The following CSNK2A2IP variants were observed in gnomAD, a reference collection of about 807,000 sequenced individuals.
CSNK2A2IP encodes the protein casein kinase 2 subunit alpha' interacting protein.
At chr3:88,431,573 C>T in the CSNK2A2IP span, among the ~76,000 whole-genome samples, 242 of 152,014 alleles carry the variant, frequency 1.6e-3, no homozygotes, top group Middle Eastern at 0.01. Flanking sequence ...ACTCATGTAA[C>T]CAAACTTCAC....
the CSNK2A2IP span, among the ~76,000 whole-genome samples, chr3:88,388,528 T>C: frequency 6.6e-6 from 1 of 152,184 alleles, no homozygotes; most frequent in Non-Finnish European, 1.5e-5. Flanking sequence ...GAAGTGCAAA[T>C]GTACAGAATC....
the CSNK2A2IP span, among the ~76,000 whole-genome samples, chr3:88,374,854 A>G: frequency 6.6e-6 from 1 of 151,728 alleles, no homozygotes; most frequent in South Asian, 2.1e-4. Context: ...TTATTCAAAT[A>G]TATTCCAACT....
chr3:88,446,015 T>A, the CSNK2A2IP span, among the ~76,000 whole-genome samples: 1 of 119,320 alleles, frequency 8.4e-6, no homozygotes, highest in Non-Finnish European at 2.0e-5. Context: ...TTTCTTTCTT[T>A]TCTTTCTTTG....
the CSNK2A2IP span, among the ~76,000 whole-genome samples, chr3:88,351,203 A>T: frequency 3.9e-5 from 6 of 152,112 alleles, no homozygotes; most frequent in South Asian, 1.2e-3. Context: ...TAAATACATA[A>T]TTTTTCTTAT....
chr3:88,350,225 T>C, the CSNK2A2IP span, among the ~76,000 whole-genome samples: 1 of 152,134 alleles, frequency 6.6e-6, no homozygotes, highest in African/African-American at 2.4e-5. Context: ...TCATTTCCTT[T>C]CTTGAAAGGC....
chr3:88,440,429 G>A, the CSNK2A2IP span, among the ~76,000 whole-genome samples: 1 of 152,084 alleles, frequency 6.6e-6, no homozygotes, highest in African/African-American at 2.4e-5. Context: ...AGTTGTGTGG[G>A]AAAGGCTTTG....
the CSNK2A2IP span, among the ~76,000 whole-genome samples, chr3:88,462,017 C>T: frequency 1.3e-5 from 2 of 151,346 alleles, no homozygotes; most frequent in Admixed American, 6.6e-5. Flanking sequence ...TTTGGATATC[C>T]TTGTTTGTGA....
At chr3:88,407,466 T>C in the CSNK2A2IP span, among the ~76,000 whole-genome samples, 1 of 152,070 alleles carries the variant, frequency 6.6e-6, no homozygotes, top group African/African-American at 2.4e-5. Context: ...CATCAAAATG[T>C]CAGCTTCTTG....
the CSNK2A2IP span, among the ~76,000 whole-genome samples, chr3:88,346,319 A>G: frequency 6.6e-6 from 1 of 152,148 alleles, no homozygotes; most frequent in African/African-American, 2.4e-5. Context: ...TCACTGATGA[A>G]TGTGGCTACA....
At chr3:88,370,843 G>A in the CSNK2A2IP span, among the ~76,000 whole-genome samples, 3 of 151,596 alleles carry the variant, frequency 2.0e-5, no homozygotes, top group Admixed American at 6.6e-5. Context: ...TGCAAAAGTG[G>A]AGCCTTGATT....
chr3:88,451,609 T>G, the CSNK2A2IP span, among the ~76,000 whole-genome samples: 2 of 151,958 alleles, frequency 1.3e-5, no homozygotes, highest in African/African-American at 4.8e-5. Context: ...TTTTTCACCT[T>G]TGTTTCTTTT....
At chr3:88,398,059 A>G in the CSNK2A2IP span, among the ~76,000 whole-genome samples, 1 of 152,136 alleles carries the variant, frequency 6.6e-6, no homozygotes, top group Non-Finnish European at 1.5e-5. Flanking sequence ...AAAAAATATG[A>G]TTTCCTATAA....
chr3:88,415,862 A>G, the CSNK2A2IP span, among the ~76,000 whole-genome samples: 1 of 152,052 alleles, frequency 6.6e-6, no homozygotes, highest in Non-Finnish European at 1.5e-5. Flanking sequence ...CTCTGAGAGT[A>G]TAACATTTCT....
chr3:88,465,376 T>A, the CSNK2A2IP span: 1 of 1,231,516 alleles, frequency 8.1e-7, no homozygotes, highest in East Asian at 3.2e-5. Context: ...ACTAGCATAT[T>A]ATGGTCAACA....
the CSNK2A2IP span, among the ~76,000 whole-genome samples, chr3:88,420,047 T>C: frequency 6.6e-6 from 1 of 152,288 alleles, no homozygotes; most frequent in African/African-American, 2.4e-5. Context: ...CCCAGGCCCC[T>C]ACCAGAGAAA....
chr3:88,347,867 A>G, the CSNK2A2IP span, among the ~76,000 whole-genome samples: 6 of 151,974 alleles, frequency 3.9e-5, no homozygotes, highest in Non-Finnish European at 8.8e-5. Flanking sequence ...TTTATTAGGA[A>G]GTTGAAATAC....
chr3:88,447,147 C>T, the CSNK2A2IP span, among the ~76,000 whole-genome samples: 1 of 151,790 alleles, frequency 6.6e-6, no homozygotes, highest in African/African-American at 2.4e-5. Context: ...CACTCATTAA[C>T]AAAGAGATAA....
At chr3:88,407,030 A>G in the CSNK2A2IP span, among the ~76,000 whole-genome samples, 2 of 152,180 alleles carry the variant, frequency 1.3e-5, no homozygotes, top group Non-Finnish European at 2.9e-5. Flanking sequence ...GTTAGTTCCT[A>G]TCACACTGCT....
chr3:88,462,807 T>A, the CSNK2A2IP span, among the ~76,000 whole-genome samples: 8 of 152,188 alleles, frequency 5.3e-5, no homozygotes, highest in African/African-American at 1.4e-4. Flanking sequence ...GTTTGAATTG[T>A]CTTTGGAACT....
Sources: allele counts gnomAD v4.1 joint callset (sites outside exome capture counted in the v4.1 genomes callset), GRCh38; gene constraint gnomAD v4.1.1; transcripts MANE v1.5; gene names NCBI Gene and HGNC (gene_info 2026-07-23, HGNC 2026-07-21).